The following TCF20 variants were observed in gnomAD, a reference collection of about 807,000 sequenced individuals.
TCF20 encodes the protein transcription factor 20.
In TCF20, 3 loss-of-function variants were observed where a neutral mutation model predicts 148.6. The ratio of observed to expected loss-of-function variants is 0.02; its 90% confidence interval spans 0.01 to 0.05. The LOEUF is 0.05. Among genes scored for constraint, TCF20 ranks in the 10% least tolerant of loss-of-function variants. The pLI, the probability that TCF20 is intolerant of heterozygous loss-of-function variation, is 1.00. For missense variants in TCF20, 2,350 were observed against 2,429.3 expected (o/e 0.97, Z 0.69); for synonymous variants, 1,049 against 909.5 (o/e 1.15, Z -2.76).
chr22:42,236,808 T>G (rs1238048480), intron 1 of TCF20, among the ~76,000 whole-genome samples: 1 of 152,218 alleles, frequency 6.6e-6, no homozygotes, highest in Non-Finnish European at 1.5e-5. Context: ...CCAGCACATA[T>G]TAACTTTTAT....
chr22:42,281,546 TC>T (rs1189132600), intron 1 of TCF20, among the ~76,000 whole-genome samples: 1 of 152,198 alleles, frequency 6.6e-6, no homozygotes, highest in Non-Finnish European at 1.5e-5. Context: ...TTCTTGCACT[TC>T]CCTCTGATGG....
At chr22:42,270,049 G>A (rs981362782) in intron 1 of TCF20, 1 of 152,750 alleles carries the variant, frequency 6.5e-6, no homozygotes, top group African/African-American at 2.4e-5. Context: ...CCGCACCCTC[G>A]GGCCAGCACC....
At chr22:42,174,502 C>G (rs543476696) in intron 3 of TCF20, among the ~76,000 whole-genome samples, 1 of 152,170 alleles carries the variant, frequency 6.6e-6, no homozygotes, top group East Asian at 1.9e-4. Flanking sequence ...CAGTGGGGGA[C>G]CACTTCTTAC....
chr22:42,203,110 T>C (rs1232454979), intron 2 of TCF20, among the ~76,000 whole-genome samples: 1 of 152,180 alleles, frequency 6.6e-6, no homozygotes, highest in African/African-American at 2.4e-5. Context: ...TGTTTATCAA[T>C]ATTTTTGTTT....
chr22:42,226,213 T>C (rs1198608130), intron 1 of TCF20, among the ~76,000 whole-genome samples: 3 of 152,156 alleles, frequency 2.0e-5, no homozygotes, highest in Admixed American at 6.5e-5. Context: ...GAGCAGGACA[T>C]CTCTGGGGCT....
chr22:42,210,523 T>C lies in TCF20; in HGVS notation c.4783A>G (p.Lys1595Glu), dbSNP rs748710415. ...ERRKPGAQPR[K>E]RKTKQAVPIV... ...GGAACTGCTTGTTTGGTTTTTCGCT[T>C]CCTCGGCTGGGCCCCAGGCTTCCTT... Residue 1595 changes from lysine to glutamate, a missense_variant, in exon 2 of 6, where the codon AAG becomes GAG. By Grantham distance (56) the Lys-to-Glu change is moderately conservative. Transcript: ENST00000677622. The surrounding 1 kb of genome is among the most constrained non-coding windows in gnomAD (Gnocchi z 4.7). The C allele has an allele frequency of 2.3e-5, 37 of 1,614,100 alleles. No homozygotes were observed.
chr22:42,241,028 G>A lies in TCF20; in HGVS notation c.-36-25687C>T, dbSNP rs567345349. 7.2e-5 allele frequency among the ~76,000 whole-genome samples: 11 copies of A among 152,196 alleles called. No homozygotes were observed. The South Asian group carries it at 2.3e-3, about 32-fold the overall frequency. Reference sequence around the variant, plus strand: ...CCGCCATCACGCCCGGCTAATTTCTGTATTTTTAGTAAGGAGGGGGTTTCA... The same window carrying A: ...CCGCCATCACGCCCGGCTAATTTCTATATTTTTAGTAAGGAGGGGGTTTCA... On this transcript the variant is annotated intron_variant, in intron 1 of 5. Coordinates refer to ENST00000677622, the MANE Select transcript of TCF20 (RefSeq NM_001378418.1).
intron 3 of TCF20, among the ~76,000 whole-genome samples, chr22:42,173,292 C>A (rs738257): frequency 0.18 from 27,087 of 151,348 alleles, 2,706 homozygotes; most frequent in East Asian, 0.34. Flanking sequence ...TAACCCCCCC[C>A]ACCTGGAGCC....
At chr22:42,249,180 C>G (rs1163720132) in intron 1 of TCF20, among the ~76,000 whole-genome samples, 1 of 152,198 alleles carries the variant, frequency 6.6e-6, no homozygotes, top group Non-Finnish European at 1.5e-5. Context: ...AATTCTGAGG[C>G]TTTTTGACCT....
At chr22:42,309,628 C>T (rs866276593) in intron 1 of TCF20, among the ~76,000 whole-genome samples, 1 of 150,580 alleles carries the variant, frequency 6.6e-6, no homozygotes, top group Non-Finnish European at 1.5e-5. Context: ...CCTCTGCCCA[C>T]ACTGTCCCCA....
At chr22:42,308,925 C>T (rs1927482445) in intron 1 of TCF20, among the ~76,000 whole-genome samples, 1 of 152,118 alleles carries the variant, frequency 6.6e-6, no homozygotes, top group South Asian at 2.1e-4. Flanking sequence ...TAGACCCAGG[C>T]GTGGGTGAAA....
chr22:42,227,582 T>C (rs1003525223), intron 1 of TCF20, among the ~76,000 whole-genome samples: 2 of 152,198 alleles, frequency 1.3e-5, no homozygotes, highest in African/African-American at 4.8e-5. Context: ...CATTTGAATT[T>C]TGTCAGCTGT....
intron 1 of TCF20, among the ~76,000 whole-genome samples, chr22:42,340,001 C>T (rs1414150121): frequency 3.3e-5 from 5 of 152,226 alleles, no homozygotes; most frequent in Non-Finnish European, 4.4e-5. Context: ...ACCTGGTCAA[C>T]AGCTGGGTCA....
intron 1 of TCF20, among the ~76,000 whole-genome samples, chr22:42,251,411 G>A (rs1925354587): frequency 6.6e-6 from 1 of 151,270 alleles, no homozygotes; most frequent in South Asian, 2.1e-4. Context: ...TGAACTCCTG[G>A]GCTCAAGCAA....
intron 1 of TCF20, among the ~76,000 whole-genome samples, chr22:42,231,665 C>G (rs534293799): frequency 1.6e-4 from 25 of 152,220 alleles, no homozygotes; most frequent in Non-Finnish European, 2.5e-4. Flanking sequence ...ACTGGTGGCT[C>G]ATGCCTGTAA....
intron 2 of TCF20, among the ~76,000 whole-genome samples, chr22:42,197,322 CTTT>C (rs546243265): frequency 4.2e-4 from 56 of 134,190 alleles, no homozygotes; most frequent in African/African-American, 1.3e-3. Flanking sequence ...AGATGAGAAA[CTTT>C]TTTTTTTTTT....
chr22:42,283,881 G>C (rs1188434963), exon 1 of TCF20, among the ~76,000 whole-genome samples: 2 of 152,222 alleles, frequency 1.3e-5, no homozygotes, highest in Non-Finnish European at 2.9e-5. Context: ...CCAGCCCGGC[G>C]ACCACGGGGG....
intron 1 of TCF20, among the ~76,000 whole-genome samples, chr22:42,250,962 G>GA (rs951221337): frequency 6.6e-6 from 1 of 152,142 alleles, no homozygotes; most frequent in Admixed American, 6.5e-5. Flanking sequence ...GATCTCGCGA[G>GA]AAGTCGCTCA....
upstream of TCF20, among the ~76,000 whole-genome samples, chr22:42,275,431 G>T (rs1029106050): frequency 2.0e-5 from 3 of 152,228 alleles, no homozygotes; most frequent in African/African-American, 7.2e-5. Flanking sequence ...TGAGCGCACA[G>T]ATCACCCCCA....
Sources: allele counts gnomAD v4.1 joint callset (sites outside exome capture counted in the v4.1 genomes callset), GRCh38; gene constraint gnomAD v4.1.1; non-coding constraint Gnocchi (gnomAD v3.1); transcripts MANE v1.5; gene names NCBI Gene and HGNC (gene_info 2026-07-23, HGNC 2026-07-21).